LRRTM4: variants seen among roughly 807,000 people sequenced by gnomAD.
The protein encoded by LRRTM4 is leucine-rich repeat transmembrane neuronal protein 4.
Under a neutral mutation model 47.6 loss-of-function variants are expected in LRRTM4, and 25 were observed. The observed-to-expected ratio is 0.53, with a 90% CI of 0.38 to 0.73. The LOEUF is 0.73. Among genes scored for constraint, LRRTM4 ranks in the 30% least tolerant of loss-of-function variants. LRRTM4 has a pLI of 0.00. For missense variants in LRRTM4, 638 were observed against 713.4 expected (o/e 0.89, Z 1.20); for synonymous variants, 311 against 269.5 (o/e 1.15, Z -1.51).
intron 3 of LRRTM4, chr2:77,516,777 A>G: frequency 2.0e-6 from 2 of 975,652 alleles, no homozygotes. Flanking sequence ...ATACACAAAA[A>G]AGAAGAAAAT....
At chr2:77,366,424 G>A (rs1490692285) in intron 3 of LRRTM4, among the ~76,000 whole-genome samples, 2 of 151,718 alleles carry the variant, frequency 1.3e-5, no homozygotes, top group Non-Finnish European at 2.9e-5. Context: ...ATTCCTAAGT[G>A]GCCTCCTTTC....
chr2:76,895,551 A>G (rs1022713606), intron 3 of LRRTM4, among the ~76,000 whole-genome samples: 1 of 152,040 alleles, frequency 6.6e-6, no homozygotes, highest in African/African-American at 2.4e-5. Context: ...GCTTCTCGCA[A>G]AAGGAAACAG....
intron 3 of LRRTM4, among the ~76,000 whole-genome samples, chr2:77,193,963 T>C (rs1466096670): frequency 1.3e-5 from 2 of 152,190 alleles, no homozygotes; most frequent in East Asian, 3.9e-4. Context: ...GTTAATTTAC[T>C]TCTCTTTCAG....
chr2:76,784,302 A>AAT (rs1674558314), intron 3 of LRRTM4, among the ~76,000 whole-genome samples: 2 of 151,794 alleles, frequency 1.3e-5, no homozygotes, highest in Admixed American at 1.3e-4. Flanking sequence ...ACTTTGAAAA[A>AAT]TATTATGGAA....
chr2:77,299,598 C>G (rs1302141326), intron 3 of LRRTM4, among the ~76,000 whole-genome samples: 1 of 151,940 alleles, frequency 6.6e-6, no homozygotes, highest in South Asian at 2.1e-4. Context: ...TAGCAGAACG[C>G]TTGTTTATTT....
In LRRTM4 at chr2:77,119,307, T is replaced by G. The variant is rs998459952; in HGVS notation, c.1552-370391A>C. ...TGCACAGACACTGCTTCATTGACGT[T>G]GATTTATTAGTTTAAAAAGAGTGTT... is the stretch of plus-strand genomic sequence containing the variant. On this transcript the variant is annotated intron_variant, in intron 3 of 3. Coordinates refer to ENST00000409884, the MANE Select transcript of LRRTM4 (RefSeq NM_001134745.3). Among the ~76,000 whole-genome samples the G allele has an allele frequency of 7.9e-5, 12 of 150,976 alleles. No homozygotes were observed. The South Asian group carries it at 2.5e-3, about 31-fold the overall frequency.
intron 3 of LRRTM4, among the ~76,000 whole-genome samples, chr2:77,314,139 C>T (rs888960964): frequency 1.3e-5 from 2 of 152,120 alleles, no homozygotes; most frequent in Non-Finnish European, 2.9e-5. Flanking sequence ...GCTTGTTTAT[C>T]ATATTCAAAG....
chr2:77,006,945 T>A (rs1252137182), intron 3 of LRRTM4, among the ~76,000 whole-genome samples: 2 of 152,052 alleles, frequency 1.3e-5, no homozygotes, highest in Non-Finnish European at 2.9e-5. Flanking sequence ...CAAACATCCT[T>A]TGGCATCCAG....
intron 3 of LRRTM4, among the ~76,000 whole-genome samples, chr2:77,419,267 T>C (rs1334930192): frequency 1.3e-5 from 2 of 152,188 alleles, no homozygotes; most frequent in Non-Finnish European, 2.9e-5. Flanking sequence ...AGGAAATTTA[T>C]GGCTAAGAAA....
chr2:77,078,225 ACTAAT>A (rs938986270), intron 3 of LRRTM4, among the ~76,000 whole-genome samples: 2 of 152,194 alleles, frequency 1.3e-5, no homozygotes, highest in African/African-American at 2.4e-5. Context: ...TCTGCCATAA[ACTAAT>A]CTAACAATAA....
intron 3 of LRRTM4, among the ~76,000 whole-genome samples, chr2:77,428,206 C>A (rs1398976556): frequency 6.6e-6 from 1 of 152,180 alleles, no homozygotes; most frequent in African/African-American, 2.4e-5. Flanking sequence ...GTCAATTAAA[C>A]CTCTTTCCTT....
intron 3 of LRRTM4, among the ~76,000 whole-genome samples, chr2:76,755,876 G>T (rs1289577456): frequency 1.3e-5 from 2 of 152,012 alleles, no homozygotes; most frequent in Non-Finnish European, 2.9e-5. Flanking sequence ...TTGGCCCAGG[G>T]GACCTAGAAA....
chr2:76,898,553 CAA>C (rs56345618), intron 3 of LRRTM4, among the ~76,000 whole-genome samples: 48 of 63,548 alleles, frequency 7.6e-4, no homozygotes, highest in African/African-American at 2.3e-3. Flanking sequence ...AGCTCCGTCT[CAA>C]AAAAAAAAAA....
chr2:77,328,379 A>G (rs1050359112), intron 3 of LRRTM4, among the ~76,000 whole-genome samples: 2 of 152,186 alleles, frequency 1.3e-5, no homozygotes, highest in African/African-American at 4.8e-5. Context: ...TGATTTTTCC[A>G]TGGAGAATCC....
intron 3 of LRRTM4, among the ~76,000 whole-genome samples, chr2:77,300,009 G>A (rs970883209): frequency 6.6e-6 from 1 of 151,742 alleles, no homozygotes; most frequent in African/African-American, 2.4e-5. Flanking sequence ...GCGCCACCAC[G>A]CCCAGCTAAT....
At chr2:77,406,199 T>C (rs924239573) in intron 3 of LRRTM4, among the ~76,000 whole-genome samples, 1 of 152,032 alleles carries the variant, frequency 6.6e-6, no homozygotes, top group Admixed American at 6.6e-5. Context: ...AAGATATACC[T>C]GAAAGCTGTT....
intron 3 of LRRTM4, among the ~76,000 whole-genome samples, chr2:77,165,385 A>C (rs889709632): frequency 6.6e-6 from 1 of 152,182 alleles, no homozygotes; most frequent in African/African-American, 2.4e-5. Flanking sequence ...CCAGAGGTAC[A>C]AAGAGGAGCT....
chr2:77,063,194 G>A (rs1005240592), intron 3 of LRRTM4, among the ~76,000 whole-genome samples: 3 of 151,904 alleles, frequency 2.0e-5, no homozygotes, highest in Non-Finnish European at 4.4e-5. Flanking sequence ...GCCTGACCTC[G>A]TGATCCGCCC....
chr2:76,771,148 C>T (rs185760093), intron 3 of LRRTM4, among the ~76,000 whole-genome samples: 5 of 152,142 alleles, frequency 3.3e-5, no homozygotes, highest in East Asian at 3.9e-4. Context: ...TACAAGGTAA[C>T]GAATTGTTGA....
Sources: gnomAD v4.1 joint callset for allele counts (sites outside exome capture counted in the v4.1 genomes callset) on GRCh38, gnomAD v4.1.1 for gene constraint, MANE v1.5 for transcripts, NCBI Gene and HGNC (gene_info 2026-07-23, HGNC 2026-07-21) for gene names.